LACTB2: variants seen among roughly 807,000 people sequenced by gnomAD.
The protein encoded by LACTB2 is lactamase beta 2.
Under a neutral mutation model 34.8 loss-of-function variants are expected in LACTB2, and 32 were observed. That is an observed-to-expected ratio of 0.92 (90% CI 0.69 to 1.24). The LOEUF is 1.24. LACTB2 is among the 50% of genes most tolerant of loss of function. The probability of loss-of-function intolerance (pLI) is 0.00; values close to 1 mark genes in which losing one functional copy is unlikely to be tolerated. For missense variants in LACTB2, 320 were observed against 345.0 expected (o/e 0.93, Z 0.57); for synonymous variants, 120 against 117.5 (o/e 1.02, Z -0.14).
chr8:70,663,424 T>C (rs894026416), intron 1 of LACTB2: 1 of 152,238 alleles, frequency 6.6e-6, no homozygotes, highest in African/African-American at 2.4e-5. Flanking sequence ...CTGCACCCTA[T>C]GTTCTGTAGC....
chr8:70,654,041 C>T (rs904489470), intron 3 of LACTB2: 1 of 152,160 alleles, frequency 6.6e-6, no homozygotes, highest in African/African-American at 2.4e-5. Flanking sequence ...ATATTGTGAA[C>T]TTAAGGAGCT....
intron 1 of LACTB2, among the ~76,000 whole-genome samples, chr8:70,664,698 A>C (rs917293363): frequency 6.6e-6 from 1 of 152,248 alleles, no homozygotes; most frequent in African/African-American, 2.4e-5. Context: ...GGAAAAAAAA[A>C]GTCACACTGA....
chr8:70,642,073 A>C (rs1358641809), intron 4 of LACTB2, among the ~76,000 whole-genome samples: 2 of 152,214 alleles, frequency 1.3e-5, no homozygotes, highest in East Asian at 3.8e-4. Flanking sequence ...GCTACAGAGC[A>C]TAATTTACAT....
intron 2 of LACTB2, chr8:70,660,112 CTTTT>C (rs937054985): frequency 2.8e-5 from 4 of 143,624 alleles, no homozygotes; most frequent in Non-Finnish European, 4.6e-5. Flanking sequence ...AGAGTAGTTT[CTTTT>C]TTTTTTTCTT....
chr8:70,660,610 A>C (rs1220349852), intron 2 of LACTB2: 1 of 456,328 alleles, frequency 2.2e-6, no homozygotes, highest in South Asian at 1.5e-5. Flanking sequence ...CCACACTCTC[A>C]TTCCACCATC....
chr8:70,668,035 C>T (rs954606177), intron 1 of LACTB2, among the ~76,000 whole-genome samples: 4 of 152,236 alleles, frequency 2.6e-5, no homozygotes, highest in African/African-American at 9.6e-5. Context: ...ACTACCTGAC[C>T]CTGCCTTATT....
Position 70,653,199 on chromosome 8 carries a change from C to G in LACTB2, c.413+4557G>C, listed in dbSNP as rs1194707758. Among the ~76,000 whole-genome samples the G allele has an allele frequency of 3.9e-5, 6 of 152,286 alleles. No homozygotes were observed. In the East Asian group the frequency reaches 1.2e-3, roughly 29 times the overall value. Reference sequence around the variant, plus strand: ...ATCCCAGTTCACTGCAACCTCTGCCCTCACAGGCTCAAACAATCCTCTCAC... The same window carrying G: ...ATCCCAGTTCACTGCAACCTCTGCCGTCACAGGCTCAAACAATCCTCTCAC... On this transcript the variant is annotated intron_variant, in intron 3 of 6. Coordinates refer to ENST00000276590, the MANE Select transcript of LACTB2 (RefSeq NM_016027.3).
intron 5 of LACTB2, among the ~76,000 whole-genome samples, chr8:70,639,463 C>G (rs1563401704): frequency 6.6e-6 from 1 of 151,996 alleles, no homozygotes. Flanking sequence ...CCCGGCCTGG[C>G]AGCAGTATCT....
rs376707430 is a variant in LACTB2 at position 70,669,014 on chromosome 8, A to C, written c.107T>G (p.Val36Gly). Residue 36 changes from valine to glycine, a missense_variant, in exon 1 of 7, where the codon GTG (valine) becomes GGG (glycine). Coordinates refer to ENST00000276590, the MANE Select transcript of LACTB2 (RefSeq NM_016027.3). ...GGACGTTTACCTGGGGCCGGTCCCC[A>C]CTAGGTAGGTGTTGGTGCCTTGGAG... ...MTLQGTNTYL[V>G]GTGPRRILID... The C allele has an allele frequency of 8.3e-5, 133 of 1,596,066 alleles. No homozygotes were observed. Among genetic ancestry groups the C allele is most frequent in the Non-Finnish European group, 1.1e-4 (130 of 1,172,018 alleles).
At chr8:70,649,249 G>T (rs1036101063) in intron 3 of LACTB2, among the ~76,000 whole-genome samples, 6 of 152,118 alleles carry the variant, frequency 3.9e-5, no homozygotes, top group African/African-American at 1.4e-4. Context: ...GAAGCCCCAG[G>T]TGAGAGTGCA....
chr8:70,648,941 C>G (rs1309836355), intron 3 of LACTB2, among the ~76,000 whole-genome samples: 2 of 152,020 alleles, frequency 1.3e-5, no homozygotes, highest in Non-Finnish European at 2.9e-5. Flanking sequence ...AGCCAGGGAC[C>G]AAAGAAGTTC....
Position 70,638,595 on chromosome 8 carries a change from T to C in LACTB2, c.776A>G (p.His259Arg). 2 of 1,499,444 alleles carry C rather than the reference T, an allele frequency of 1.3e-6. No homozygotes were observed. Among genetic ancestry groups the C allele is most frequent in the Non-Finnish European group, 1.8e-6 (2 of 1,122,304 alleles). The allele number at this position is 1,499,444 out of a possible 1,614,324, so 92.9% of individuals were successfully genotyped here. The change falls in exon 6 of 7, where the codon CAT (histidine) becomes CGT (arginine). Residue 259 changes from histidine to arginine, a missense_variant. Transcript: ENST00000276590. ...TPENLHEMAK[H>R]NLLLHLKKLE... Reference sequence around the variant, plus strand: ...TTTTTTCAAATGAAGTAAGAGATTATGTTTAGCCATTTCATGTAAATTCTC... The same window carrying C: ...TTTTTTCAAATGAAGTAAGAGATTACGTTTAGCCATTTCATGTAAATTCTC...
At chr8:70,640,865 T>C (rs1262718801) in intron 5 of LACTB2, 37 bp downstream of exon 5, 1 of 1,518,692 alleles carries the variant, frequency 6.6e-7, no homozygotes, top group South Asian at 1.3e-5. Context: ...TTCTAATAAA[T>C]TTGTGGCTAC....
Position 70,644,109 on chromosome 8 carries a change from G to A in LACTB2, c.548C>T (p.Ser183Phe). 1 of 1,603,224 alleles carries A rather than the reference G, an allele frequency of 6.2e-7. No individual in the cohort carries two copies. Among genetic ancestry groups the A allele is most frequent in the South Asian group, 1.1e-5 (1 of 87,820 alleles). Reference protein sequence around the residue: ...VFEDLYDYMNSLKELLKIKAD... With the variant: ...VFEDLYDYMNFLKELLKIKAD... ...TTTGATTTTCAATAACTCTTTTAAAGAGTTCATATAATCATAGAGGTCTTC... is the reference window on the plus strand; with the variant it reads ...TTTGATTTTCAATAACTCTTTTAAAAAGTTCATATAATCATAGAGGTCTTC... The change falls in exon 4 of 7, where the codon TCT becomes TTT. Residue 183 changes from serine (S) to phenylalanine (F), a missense_variant. Ser to Phe is a radical substitution (Grantham distance 155, BLOSUM62 -2). Coordinates refer to ENST00000276590, the MANE Select transcript of LACTB2 (RefSeq NM_016027.3).
chr8:70,660,686 A>G (rs1586789696), intron 2 of LACTB2: 2 of 455,802 alleles, frequency 4.4e-6, no homozygotes, highest in African/African-American at 4.0e-5. Flanking sequence ...CTCTCTGTCC[A>G]CTCTGGATAT....
chr8:70,667,250 A>AG (rs1201713747), intron 1 of LACTB2, among the ~76,000 whole-genome samples: 3 of 152,200 alleles, frequency 2.0e-5, no homozygotes, highest in Non-Finnish European at 4.4e-5. Flanking sequence ...TTCAAGGAAG[A>AG]TGAGAACAGA....
chr8:70,668,748 GTTTTTTTTTTTTTT>G (rs990900411), intron 1 of LACTB2, among the ~76,000 whole-genome samples: 1 of 103,732 alleles, frequency 9.6e-6, no homozygotes, highest in Non-Finnish European at 1.9e-5. Flanking sequence ...CAAAACAGAA[GTTTTTTTTTTTTTT>G]TTTTTTTTTT....
chr8:70,638,659 C>CT, intron 5 of LACTB2, 30 bp from the exon 6 acceptor site: 5 of 1,249,864 alleles, frequency 4.0e-6, no homozygotes, highest in South Asian at 3.4e-5. Flanking sequence ...GAAAAAAATT[C>CT]CTTTTTTTTT....
chr8:70,661,281 A>C (rs576884384), intron 2 of LACTB2: 1 of 326,524 alleles, frequency 3.1e-6, no homozygotes, highest in East Asian at 8.3e-5. Context: ...AAATGTCAGT[A>C]CTGTATAGGT....
Sources: allele counts gnomAD v4.1 joint callset (sites outside exome capture counted in the v4.1 genomes callset), GRCh38; gene constraint gnomAD v4.1.1; transcripts MANE v1.5; gene names NCBI Gene and HGNC (gene_info 2026-07-23, HGNC 2026-07-21).